Variants in RSF1 observed in about 807,000 individuals in gnomAD.
RSF1 encodes the protein HBV pX-associated protein 8.
A neutral mutation model predicts 145.2 loss-of-function variants in RSF1; 13 were observed. The ratio of observed to expected loss-of-function variants is 0.09; its 90% CI spans 0.06 to 0.14. The LOEUF is 0.14. RSF1 is among the 10% of genes least tolerant of loss of function. RSF1 has a pLI of 1.00. For synonymous variants in RSF1, 577 were observed against 592.6 expected (o/e 0.97, Z 0.38); for missense variants, 1,517 against 1,718.2 (o/e 0.88, Z 2.07).
chr11:77,862,222 G>A, the RSF1 span, among the ~76,000 whole-genome samples: 11 of 152,130 alleles, frequency 7.2e-5, no homozygotes, highest in African/African-American at 2.7e-4. Flanking sequence ...TTCCTCTGTT[G>A]TCATCCTATC....
rs575061491 is a variant in RSF1 at position 77,660,443 on chromosome 11, G to A, written c.*6474C>T. 1.5e-5 allele frequency: 2 copies of A among 136,610 alleles called. No individual in the cohort carries two copies. Among genetic ancestry groups the A allele is most frequent in the East Asian group, 5.0e-4 (2 of 3,984 alleles). 8.5% of individuals were successfully genotyped at this position (136,610 alleles called of 1,614,324 possible). On this transcript the variant is annotated 3_prime_UTR_variant, in exon 16 of 16. Coordinates refer to ENST00000308488, the MANE Select transcript of RSF1 (RefSeq NM_016578.4). ...CCCCCACACACATGCAGTACATTATGTGACAGAGAGCACTCCAGCTTCTAT... is the reference window on the plus strand; with the variant it reads ...CCCCCACACACATGCAGTACATTATATGACAGAGAGCACTCCAGCTTCTAT...
At chr11:77,728,402 G>A (rs1219427772) in intron 4 of RSF1, among the ~76,000 whole-genome samples, 6 of 152,118 alleles carry the variant, frequency 3.9e-5, no homozygotes, top group South Asian at 4.1e-4. Flanking sequence ...ATGGCTGGGC[G>A]TGGTGGCTCA....
chr11:77,814,155 G>GC (rs1051405183), intron 1 of RSF1, among the ~76,000 whole-genome samples: 1 of 149,618 alleles, frequency 6.7e-6, no homozygotes, highest in African/African-American at 2.5e-5. Flanking sequence ...AACCAGGATC[G>GC]CGCCACTGCA....
rs375705239 is a variant in RSF1, at chr11:77,671,681, G to A, written c.3751+361C>T. Among the ~76,000 whole-genome samples the A allele has an allele frequency of 6.0e-4, 89 of 148,750 alleles. 1 individual carries two copies. Among genetic ancestry groups the A allele is most frequent in the African/African-American group, 2.2e-3 (88 of 40,252 alleles). On this transcript the variant is annotated intron_variant, in intron 15 of 15. Transcript: ENST00000308488. ...ACACAGTCTTGCTCTGTCACCCAGG[G>A]TGGAGTGCAGTGGCACAACCTTGGC... is the stretch of plus-strand genomic sequence containing the variant.
intron 2 of RSF1, among the ~76,000 whole-genome samples, chr11:77,754,028 T>C (rs776201033): frequency 1.3e-5 from 2 of 152,132 alleles, no homozygotes; most frequent in Non-Finnish European, 2.9e-5. Flanking sequence ...GGAGACTAAT[T>C]TGAATAATAA....
the RSF1 span, among the ~76,000 whole-genome samples, chr11:77,848,269 T>C: frequency 6.6e-6 from 1 of 152,200 alleles, no homozygotes; most frequent in African/African-American, 2.4e-5. Context: ...CTTCCACACT[T>C]GAGAGATCCA....
chr11:77,709,258 T>C (rs951323678), intron 5 of RSF1, among the ~76,000 whole-genome samples: 9 of 152,226 alleles, frequency 5.9e-5, no homozygotes, highest in African/African-American at 1.7e-4. Context: ...CCCCAAATTA[T>C]TTTCCTTCCA....
chr11:77,779,097 C>A (rs142531744), intron 1 of RSF1, among the ~76,000 whole-genome samples: 2 of 152,034 alleles, frequency 1.3e-5, no homozygotes, highest in African/African-American at 4.8e-5. Context: ...ACATGCACCA[C>A]CATGCCCAGC....
In RSF1 at chr11:77,662,413, T is replaced by C. The variant is rs1345794392; in HGVS notation, c.*4504A>G. ...GGTTTGCATGAATGAATACAAAAAGTGGTGAGTGTATACTCTAAAGTGGTT... is the reference window on the plus strand; with the variant it reads ...GGTTTGCATGAATGAATACAAAAAGCGGTGAGTGTATACTCTAAAGTGGTT... On this transcript the variant is annotated 3_prime_UTR_variant, in exon 16 of 16. Transcript: ENST00000308488. The C allele has an allele frequency of 6.6e-6, 1 of 152,076 alleles. No homozygotes were observed. Among genetic ancestry groups the C allele is most frequent in the Admixed American group, 6.6e-5 (1 of 15,242 alleles). 9.4% of individuals were successfully genotyped at this position (152,076 alleles called of 1,614,324 possible).
chr11:77,807,486 C>T (rs1164972382), intron 1 of RSF1, among the ~76,000 whole-genome samples: 1 of 152,096 alleles, frequency 6.6e-6, no homozygotes, highest in Non-Finnish European at 1.5e-5. Flanking sequence ...AATTTAGAAT[C>T]AAAGACACAA....
chr11:77,783,061 T>G (rs1426491926), intron 1 of RSF1, among the ~76,000 whole-genome samples: 1 of 152,246 alleles, frequency 6.6e-6, no homozygotes, highest in Non-Finnish European at 1.5e-5. Context: ...TTAATTACAC[T>G]TCTTTAAGTT....
At chr11:77,783,415 G>A (rs1191405654) in intron 1 of RSF1, among the ~76,000 whole-genome samples, 1 of 152,124 alleles carries the variant, frequency 6.6e-6, no homozygotes, top group Non-Finnish European at 1.5e-5. Context: ...TTCTTGTAGT[G>A]CAAGTGGCTA....
At chr11:77,750,543 C>A (rs780781485) in intron 2 of RSF1, among the ~76,000 whole-genome samples, 2 of 152,112 alleles carry the variant, frequency 1.3e-5, no homozygotes, top group Non-Finnish European at 2.9e-5. Flanking sequence ...AGGTACCAGG[C>A]AGGATGTGGC....
intron 4 of RSF1, among the ~76,000 whole-genome samples, chr11:77,733,480 G>T (rs908646612): frequency 3.3e-5 from 5 of 151,774 alleles, no homozygotes; most frequent in Non-Finnish European, 7.4e-5. Flanking sequence ...ATGGAATCTG[G>T]TCTATGGTCT....
chr11:77,693,629 A>T lies in RSF1; in HGVS notation c.2716-18T>A. ...AGAAGAATCTGAAATAACCACACTG[A>T]TGTCAACCTAACTATGACTAAAATT... On this transcript the variant is annotated intron_variant, in intron 7 of 15. Coordinates refer to ENST00000308488, the MANE Select transcript of RSF1 (RefSeq NM_016578.4). 6.4e-7 allele frequency: 1 copy of T among 1,562,824 alleles called. No homozygotes were observed. The highest frequency in any genetic ancestry group is 8.8e-7 in the Non-Finnish European group (1 of 1,134,632).
intron 7 of RSF1, among the ~76,000 whole-genome samples, chr11:77,696,362 C>T (rs1242899862): frequency 6.6e-6 from 1 of 152,126 alleles, no homozygotes; most frequent in Non-Finnish European, 1.5e-5. Flanking sequence ...ACATTTATTG[C>T]TTTTCTGCTG....
intron 4 of RSF1, chr11:77,734,825 C>T: frequency 1.3e-6 from 2 of 1,594,824 alleles, no homozygotes; most frequent in South Asian, 1.1e-5. Context: ...ATCAGTTTCT[C>T]AGCATGCTCC....
intron 1 of RSF1, among the ~76,000 whole-genome samples, chr11:77,783,495 T>C (rs1339246151): frequency 1.3e-5 from 2 of 152,174 alleles, no homozygotes; most frequent in African/African-American, 4.8e-5. Context: ...TTGAAGGATA[T>C]TTTGCTAGAT....
At chr11:77,838,254 T>A in the RSF1 span, among the ~76,000 whole-genome samples, 1 of 151,658 alleles carries the variant, frequency 6.6e-6, no homozygotes, top group African/African-American at 2.4e-5. Context: ...CGTGGTAAGG[T>A]TATAGTACGG....
Sources: gnomAD v4.1 joint callset for allele counts (sites outside exome capture counted in the v4.1 genomes callset) on GRCh38, gnomAD v4.1.1 for gene constraint, MANE v1.5 for transcripts, NCBI Gene and HGNC (gene_info 2026-07-23, HGNC 2026-07-21) for gene names.